TSNARE1: variants seen among roughly 807,000 people sequenced by gnomAD.
TSNARE1 encodes the protein t-SNARE domain containing 1.
A neutral mutation model predicts 62.0 loss-of-function variants in TSNARE1; 49 were observed. The ratio of observed to expected loss-of-function variants is 0.79; its 90% CI spans 0.63 to 1.00. TSNARE1 has a LOEUF of 1.00. Among genes scored for constraint, TSNARE1 ranks in the 50% least tolerant of loss-of-function variants. TSNARE1 has a pLI of 0.00. For missense variants in TSNARE1, 755 were observed against 700.1 expected (o/e 1.08, Z -0.88); for synonymous variants, 328 against 294.4 (o/e 1.11, Z -1.17).
chr8:142,229,255 G>A (rs970566395), intron 13 of TSNARE1, among the ~76,000 whole-genome samples: 2 of 151,240 alleles, frequency 1.3e-5, no homozygotes, highest in African/African-American at 4.9e-5. Flanking sequence ...TGAATGGATG[G>A]ATGGTGGATG....
chr8:142,222,543 T>A, intron 13 of TSNARE1, among the ~76,000 whole-genome samples: 1 of 62,052 alleles, frequency 1.6e-5, no homozygotes, highest in South Asian at 7.1e-4. Context: ...CACTCACTCA[T>A]TCACTCACTC....
Position 142,354,693 on chromosome 8 carries a change from C to A in TSNARE1, c.32G>T (p.Gly11Val). Residue 11 changes from glycine to valine, a missense_variant, in exon 2 of 14, where the codon GGC becomes GTC. Coordinates refer to ENST00000524325, the MANE Select transcript of TSNARE1 (RefSeq NM_145003.5). MSYGSIARGG[G>V]LGSRGPFGGP... The stretch of plus-strand genomic sequence containing the variant: ...CCCGAAAGGGCCACGGCTCCCCAGG[C>A]CACCTCCACGGGCGATGGATCCGTA... 2 of 1,613,708 alleles carry A rather than the reference C, an allele frequency of 1.2e-6. No homozygotes were observed. The highest frequency in any genetic ancestry group is 1.7e-6 in the Non-Finnish European group (2 of 1,179,856).
At chr8:142,372,884 C>T (rs938354346) in intron 1 of TSNARE1, among the ~76,000 whole-genome samples, 19 of 152,148 alleles carry the variant, frequency 1.2e-4, no homozygotes, top group African/African-American at 4.1e-4. Context: ...GAGAAGGCCA[C>T]CCCACCAGTG....
intron 1 of TSNARE1, among the ~76,000 whole-genome samples, chr8:142,386,238 A>T (rs930346772): frequency 7.2e-5 from 11 of 152,312 alleles, no homozygotes; most frequent in Admixed American, 5.9e-4. Flanking sequence ...TAGGGATTAG[A>T]GTGTGGCTAT....
chr8:142,220,559 G>A (rs1181095677), intron 13 of TSNARE1, among the ~76,000 whole-genome samples: 1 of 152,154 alleles, frequency 6.6e-6, no homozygotes, highest in East Asian at 1.9e-4. Context: ...GGGAGGGAGG[G>A]CCTCCAGATT....
In TSNARE1 at chr8:142,319,752, G is replaced by A. The variant is rs560385421; in HGVS notation, c.894-1118C>T. Among the ~76,000 whole-genome samples, 1 of 152,264 alleles carries A rather than the reference G, an allele frequency of 6.6e-6. No homozygotes were observed. The highest frequency in any genetic ancestry group is 1.5e-5 in the Non-Finnish European group (1 of 68,006). On this transcript the variant is annotated intron_variant, in intron 6 of 13. Transcript: ENST00000524325. The surrounding 1 kb of genome is among the most constrained non-coding windows in gnomAD (Gnocchi z 4.9). ...GGGCCCACCTCCTGATACCCACCCT[G>A]GGCGGGCAGAGCCTGTGGCACACAG...
intron 11 of TSNARE1, among the ~76,000 whole-genome samples, chr8:142,283,717 G>C (rs952646967): frequency 6.6e-6 from 1 of 150,946 alleles, no homozygotes; most frequent in Admixed American, 6.6e-5. Context: ...GCCAGTGTCT[G>C]TCAATGAGCA....
chr8:142,338,682 G>C (rs1832118257), intron 4 of TSNARE1, among the ~76,000 whole-genome samples: 1 of 152,264 alleles, frequency 6.6e-6, no homozygotes, highest in South Asian at 2.1e-4. Context: ...GTTGCCGGAG[G>C]GGATGAGCTG....
rs1400696948 is a variant in TSNARE1 at position 142,319,035 on chromosome 8, T to C, written c.894-401A>G. 6.8e-6 allele frequency among the ~76,000 whole-genome samples: 1 copy of C among 147,434 alleles called. No individual in the cohort carries two copies. The highest frequency in any genetic ancestry group is 2.5e-5 in the African/African-American group (1 of 39,638). ...CGGGCAGACACACAGCAAGAGGCAG[T>C]GGGGGCAGAAAGGCAGGCAGAGAGA... On this transcript the variant is annotated intron_variant, in intron 6 of 13. Coordinates refer to ENST00000524325, the MANE Select transcript of TSNARE1 (RefSeq NM_145003.5). This position sits in a 1 kb window ranked among gnomAD's most constrained non-coding sequence, Gnocchi z 4.9.
chr8:142,344,646 T>C (rs1833109558), intron 3 of TSNARE1, among the ~76,000 whole-genome samples, 174 bp from the exon 4 acceptor site: 1 of 152,196 alleles, frequency 6.6e-6, no homozygotes, highest in Non-Finnish European at 1.5e-5. Context: ...CACGATCCCC[T>C]AGCCCTGACA....
At chr8:142,353,106 G>A (rs761202116) in intron 2 of TSNARE1, among the ~76,000 whole-genome samples, 1 of 152,112 alleles carries the variant, frequency 6.6e-6, no homozygotes, top group Non-Finnish European at 1.5e-5. Context: ...TCCCGGGGCT[G>A]CCTTCTCCAG....
chr8:142,298,251 T>G (rs1825096123), intron 10 of TSNARE1, among the ~76,000 whole-genome samples: 1 of 152,210 alleles, frequency 6.6e-6, no homozygotes, highest in Admixed American at 6.5e-5. Flanking sequence ...TGGGGCGCCC[T>G]TGCCCTGGGA....
chr8:142,314,470 C>T (rs1003899980), intron 8 of TSNARE1, 30 bp from the exon 9 acceptor site: 1 of 1,604,462 alleles, frequency 6.2e-7, no homozygotes, highest in South Asian at 1.1e-5. Context: ...AGAAGAAAGA[C>T]AGGAAGAGCA....
intron 6 of TSNARE1, among the ~76,000 whole-genome samples, chr8:142,326,987 G>A (rs1830369112): frequency 6.6e-6 from 1 of 152,164 alleles, no homozygotes. Context: ...CAGTGAGGTG[G>A]GGAGACAGGA....
At chr8:142,273,712 C>T (rs73366660) in intron 12 of TSNARE1, 25,662 of 985,356 alleles carry the variant, frequency 0.026, 463 homozygotes, top group African/African-American at 0.065. Flanking sequence ...TGGGGGTGCC[C>T]GGGCTGGGTC....
At chr8:142,391,554 G>T (rs141246203) in intron 1 of TSNARE1, among the ~76,000 whole-genome samples, 1 of 152,334 alleles carries the variant, frequency 6.6e-6, no homozygotes, top group East Asian at 1.9e-4. Flanking sequence ...CTTGAGCCAG[G>T]GCTCTGGCAC....
chr8:142,390,300 TCCGTAACAGACGCTGTACACTGCG>T (rs1399366444), intron 1 of TSNARE1, among the ~76,000 whole-genome samples: 17 of 150,476 alleles, frequency 1.1e-4, no homozygotes, highest in South Asian at 2.1e-4. Flanking sequence ...TGCGGGGGAC[TCCGTAACAGACGCTGTACACTGCG>T]GGGGACTCCG....
chr8:142,298,535 G>A (rs1675720621), intron 10 of TSNARE1, among the ~76,000 whole-genome samples: 1 of 152,162 alleles, frequency 6.6e-6, no homozygotes, highest in South Asian at 2.1e-4. Flanking sequence ...AGATGCTGCT[G>A]AGTGAGCGCC....
chr8:142,218,347 G>C (rs1477091827), intron 13 of TSNARE1, among the ~76,000 whole-genome samples: 3 of 137,410 alleles, frequency 2.2e-5, no homozygotes, highest in Non-Finnish European at 4.8e-5. Flanking sequence ...GTCCACCCTG[G>C]AGAGCTGCCT....
Sources: allele counts gnomAD v4.1 joint callset (sites outside exome capture counted in the v4.1 genomes callset), GRCh38; gene constraint gnomAD v4.1.1; non-coding constraint Gnocchi (gnomAD v3.1); transcripts MANE v1.5; gene names NCBI Gene and HGNC (gene_info 2026-07-23, HGNC 2026-07-21).